PIK3R2: variants seen among roughly 807,000 people sequenced by gnomAD.
PIK3R2 encodes phosphoinositide-3-kinase regulatory subunit 2.
Under a neutral mutation model 78.5 loss-of-function variants are expected in PIK3R2, and 40 were observed. That is an observed-to-expected ratio of 0.51 (90% CI 0.40 to 0.66). PIK3R2 has a LOEUF of 0.66. Among genes scored for constraint, PIK3R2 ranks in the 30% least tolerant of loss-of-function variants. The pLI is 0.00. For missense variants in PIK3R2, 880 were observed against 1,026.6 expected (o/e 0.86, Z 1.95); for synonymous variants, 473 against 457.7 (o/e 1.03, Z -0.43).
Position 18,162,187 on chromosome 19 carries a change from T to A in PIK3R2, c.902-15T>A, listed in dbSNP as rs1176782956. On this transcript the variant is annotated splice_polypyrimidine_tract_variant and intron_variant, in intron 7 of 15. Transcript: ENST00000222254. The stretch of plus-strand genomic sequence containing the variant: ...CAGTCGGTGCTCAGGATGCATTTGT[T>A]TTCCTGTCCCCCAGCGCTGCCGCCT... 1 of 1,485,556 alleles carries A rather than the reference T, an allele frequency of 6.7e-7. No homozygotes were observed. The highest frequency in any genetic ancestry group is 1.1e-5 in the South Asian group (1 of 87,928). The allele number at this position is 1,485,556 out of a possible 1,614,324, so 92.0% of individuals were successfully genotyped here. A position where few individuals can be genotyped will look rare whatever the true frequency, so the allele number is the denominator to read the frequency against.
intron 1 of PIK3R2, among the ~76,000 whole-genome samples, chr19:18,153,919 T>G (rs1343782634): frequency 6.6e-6 from 1 of 152,120 alleles, no homozygotes; most frequent in African/African-American, 2.4e-5. Context: ...AACAGAGGCC[T>G]AGGAATGGGT....
In PIK3R2 at chr19:18,169,736, T is replaced by C. The variant is rs1351061945; in HGVS notation, c.*442T>C. 4.9e-6 allele frequency: 1 copy of C among 204,636 alleles called. No homozygotes were observed. Among genetic ancestry groups the C allele is most frequent in the Non-Finnish European group, 1.0e-5 (1 of 99,800 alleles). The allele number at this position is 204,636 out of a possible 1,614,324, so 12.7% of individuals were successfully genotyped here. ...TGATTTTTAAGCCATAGACCTGGGG[T>C]CAGGGCAGGAAGGAACTTCACTCTG... On this transcript the variant is annotated 3_prime_UTR_variant, in exon 16 of 16. Transcript: ENST00000222254.
intron 15 of PIK3R2, 85 bp from the exon 16 acceptor site, chr19:18,169,002 G>A (rs2043839509): frequency 1.1e-5 from 17 of 1,560,734 alleles, no homozygotes; most frequent in South Asian, 2.3e-5. Flanking sequence ...GGGTCATCCG[G>A]GACAGGGGAG....
chr19:18,161,585 T>A lies in PIK3R2; in HGVS notation c.815+90T>A. 4.2e-6 allele frequency: 2 copies of A among 481,870 alleles called. No individual in the cohort carries two copies. Among genetic ancestry groups the A allele is most frequent in the Non-Finnish European group, 6.5e-6 (2 of 307,076 alleles). 29.8% of individuals were successfully genotyped at this position (481,870 alleles called of 1,614,324 possible). A position where few individuals can be genotyped will look rare whatever the true frequency, so the allele number is the denominator to read the frequency against. The stretch of plus-strand genomic sequence containing the variant: ...GCCAGAGTGAGCGGCGTCTAGACCC[T>A]AAGAAGGGAGGGGATGGGGTCCAGA... On this transcript the variant is annotated intron_variant, in intron 6 of 15. Coordinates refer to ENST00000222254, the MANE Select transcript of PIK3R2 (RefSeq NM_005027.4). The surrounding 1 kb of genome is among the most constrained non-coding windows in gnomAD (Gnocchi z 5.3).
At chr19:18,157,885 A>G (rs2043695690) in intron 2 of PIK3R2, among the ~76,000 whole-genome samples, 1 of 152,140 alleles carries the variant, frequency 6.6e-6, no homozygotes, top group African/African-American at 2.4e-5. Flanking sequence ...AGCAGCGTCC[A>G]ATGGTGGCAG....
chr19:18,161,360 AG>A lies in PIK3R2; in HGVS notation c.681del (p.Gln227HisfsTer114). 1 of 1,303,484 alleles carries A rather than the reference AG, an allele frequency of 7.7e-7. No homozygotes were observed. Among genetic ancestry groups the A allele is most frequent in the Non-Finnish European group, 9.7e-7 (1 of 1,028,816 alleles). The allele number at this position is 1,303,484 out of a possible 1,614,324, so 80.7% of individuals were successfully genotyped here. On this transcript the variant is annotated frameshift_variant, in exon 6 of 16. Transcript: ENST00000222254. LOFTEE classifies it high-confidence loss of function. This position sits in a 1 kb window ranked among gnomAD's most constrained non-coding sequence, Gnocchi z 5.3. Reference sequence around the variant, plus strand: ...GCGCTCACGCTGCGCTTCCTGCTCCAGCACCTGGGCCGCGTGGCCAGCCGCG... The same window carrying A: ...GCGCTCACGCTGCGCTTCCTGCTCCACACCTGGGCCGCGTGGCCAGCCGCG... The part of the protein sequence containing the change: ...HRALTLRFLL[Q>X]HLGRVASRAP...
At position 18,161,355 on chromosome 19, in the gene PIK3R2, G is replaced by A; in HGVS notation, c.675G>A (p.Leu225=). 2.3e-6 allele frequency: 3 copies of A among 1,306,930 alleles called. No individual in the cohort carries two copies. The highest frequency in any genetic ancestry group is 2.9e-6 in the Non-Finnish European group (3 of 1,030,950). 81.0% of individuals were successfully genotyped at this position (1,306,930 alleles called of 1,614,324 possible). A position where few individuals can be genotyped will look rare whatever the true frequency, so the allele number is the denominator to read the frequency against. Residue 225 remains leucine (L), a synonymous_variant, in exon 6 of 16, where the codon CTG becomes CTA. Transcript: ENST00000222254. The surrounding 1 kb of genome is among the most constrained non-coding windows in gnomAD (Gnocchi z 5.3). ...PLHRALTLRF[L]LQHLGRVASR... is the part of the protein sequence containing the mutation. ...ACCGCGCGCTCACGCTGCGCTTCCT[G>A]CTCCAGCACCTGGGCCGCGTGGCCA...
At position 18,159,144 on chromosome 19, in the gene PIK3R2, CT is replaced by C. The variant is rs57543686; in HGVS notation, c.323-1308del. 7.9e-3 allele frequency among the ~76,000 whole-genome samples: 394 copies of C among 50,062 alleles called. 24 individuals carry two copies. Among genetic ancestry groups the C allele is most frequent in the African/African-American group, 0.028 (347 of 12,606 alleles). 32.8% of individuals were successfully genotyped at this position (50,062 alleles called of 152,430 possible). A position where few individuals can be genotyped will look rare whatever the true frequency, so the allele number is the denominator to read the frequency against. ...GGAGTGAGCCACTGCGCCTGGCCTC[CT>C]TTTTTTTTTTTTTTTTTTAAATTAT... On this transcript the variant is annotated intron_variant, in intron 2 of 15. Transcript: ENST00000222254.
intron 2 of PIK3R2, among the ~76,000 whole-genome samples, chr19:18,157,140 G>A (rs1397883989): frequency 6.6e-6 from 1 of 152,216 alleles, no homozygotes; most frequent in East Asian, 1.9e-4. Flanking sequence ...TTGCCCAAAG[G>A]CAAACCAGAG....
In PIK3R2 at chr19:18,167,034, G is replaced by A. The variant is rs1711034887; in HGVS notation, c.1560-96G>A. The stretch of plus-strand genomic sequence containing the variant: ...ACCTGTGGTCCCAGCTACTCGGGAG[G>A]CTGAGGTAGGAGGGTCACCTGAGCC... On this transcript the variant is annotated intron_variant, in intron 12 of 15. Transcript: ENST00000222254. The surrounding 1 kb of genome is among the most constrained non-coding windows in gnomAD (Gnocchi z 4.5). The A allele has an allele frequency of 2.9e-6, 3 of 1,030,000 alleles. No individual in the cohort carries two copies. Among genetic ancestry groups the A allele is most frequent in the Non-Finnish European group, 4.1e-6 (3 of 733,896 alleles). 63.8% of individuals were successfully genotyped at this position (1,030,000 alleles called of 1,614,324 possible). A position where few individuals can be genotyped will look rare whatever the true frequency, so the allele number is the denominator to read the frequency against.
intron 11 of PIK3R2, 109 bp downstream of exon 11, chr19:18,163,497 G>C (rs1453879029): frequency 1.5e-5 from 18 of 1,228,394 alleles, no homozygotes; most frequent in Non-Finnish European, 4.6e-6. Flanking sequence ...TCCAGTTGCA[G>C]GTCACAGAGC....
At chr19:18,165,407 A>G (rs2043799679) in intron 11 of PIK3R2, among the ~76,000 whole-genome samples, 1 of 150,604 alleles carries the variant, frequency 6.6e-6, no homozygotes, top group Non-Finnish European at 1.5e-5. Context: ...GGTGGCTCAC[A>G]CCTGTAATAC....
At chr19:18,153,875 G>C (rs1216503274) in intron 1 of PIK3R2, among the ~76,000 whole-genome samples, 1 of 152,188 alleles carries the variant, frequency 6.6e-6, no homozygotes, top group African/African-American at 2.4e-5. Context: ...ATCCCCTCTC[G>C]GGGCCTCAGT....
chr19:18,166,175 C>G lies in PIK3R2; in HGVS notation c.1432C>G (p.Arg478Gly). 2 of 1,613,656 alleles carry G rather than the reference C, an allele frequency of 1.2e-6. No individual in the cohort carries two copies. Among genetic ancestry groups the G allele is most frequent in the Non-Finnish European group, 1.7e-6 (2 of 1,179,648 alleles). ...CCTCCTCCAGGAGCTGCAGATGAAG[C>G]GTACTGCAATTGAGGCCTTCAATGA... ...TRTSQELQMK[R>G]TAIEAFNETI... is the part of the protein sequence containing the mutation. The change falls in exon 12 of 16, where the codon CGT becomes GGT. Residue 478 changes from arginine (R) to glycine (G), a missense_variant. By Grantham distance (125) the Arg-to-Gly change is moderately radical. Transcript: ENST00000222254.
chr19:18,154,705 C>T (rs891761389), intron 1 of PIK3R2, among the ~76,000 whole-genome samples: 2 of 152,244 alleles, frequency 1.3e-5, no homozygotes, highest in East Asian at 1.9e-4. Context: ...TCCTGGCTTC[C>T]TCCTGGCCTA....
chr19:18,164,816 A>C (rs1599981508), intron 11 of PIK3R2, among the ~76,000 whole-genome samples: 1 of 147,994 alleles, frequency 6.8e-6, no homozygotes, highest in East Asian at 2.0e-4. Context: ...TTGTATTTTT[A>C]GTAGAGATGG....
intron 11 of PIK3R2, among the ~76,000 whole-genome samples, chr19:18,164,570 G>A (rs1158278311): frequency 2.0e-5 from 3 of 152,030 alleles, no homozygotes; most frequent in East Asian, 1.9e-4. Context: ...ATAGATTCAG[G>A]TGGAACAGCT....
At position 18,165,362 on chromosome 19, in the gene PIK3R2, C is replaced by CAAAAA. The variant is rs33933785; in HGVS notation, c.1417-780_1417-776dup. 1.7e-4 allele frequency among the ~76,000 whole-genome samples: 14 copies of CAAAAA among 80,956 alleles called. 1 individual carries two copies. Among genetic ancestry groups the CAAAAA allele is most frequent in the Admixed American group, 3.0e-4 (2 of 6,728 alleles). The allele number at this position is 80,956 out of a possible 152,430, so 53.1% of individuals were successfully genotyped here. On this transcript the variant is annotated intron_variant, in intron 11 of 15. Transcript: ENST00000222254. ...CCTGGGACAGAGTGAGACTCCGTCT[C>CAAAAA]AAAAAAAAAAAAAAAAAAAAAATTA... is the stretch of plus-strand genomic sequence containing the variant.
intron 2 of PIK3R2, among the ~76,000 whole-genome samples, chr19:18,157,362 C>T (rs944205121): frequency 5.3e-5 from 8 of 152,202 alleles, no homozygotes; most frequent in Non-Finnish European, 1.2e-4. Context: ...AGCCACCATA[C>T]ACGGCCCCAC....
Sources: gnomAD v4.1 joint callset for allele counts (sites outside exome capture counted in the v4.1 genomes callset) on GRCh38, gnomAD v4.1.1 for gene constraint, Gnocchi (gnomAD v3.1) non-coding constraint, MANE v1.5 for transcripts, NCBI Gene and HGNC (gene_info 2026-07-23, HGNC 2026-07-21) for gene names.